The following EFNA5 variants were observed in gnomAD, a reference collection of about 807,000 sequenced individuals.
EFNA5 encodes ephrin A5, also known as ephrin-A5.
EFNA5 carries 5 observed loss-of-function variants against 22.9 expected under a neutral mutation model. That is an observed-to-expected ratio of 0.22 (90% CI 0.11 to 0.46). The LOEUF is 0.46. Among genes scored for constraint, EFNA5 ranks in the 20% least tolerant of loss-of-function variants. The pLI is 0.99. For synonymous variants in EFNA5, 113 were observed against 112.2 expected (o/e 1.01, Z -0.04); for missense variants, 237 against 293.3 (o/e 0.81, Z 1.40).
At chr5:107,592,308 A>G (rs1033896910) in intron 1 of EFNA5, among the ~76,000 whole-genome samples, 5 of 151,450 alleles carry the variant, frequency 3.3e-5, no homozygotes, top group African/African-American at 1.2e-4. Flanking sequence ...ATAAACTTCA[A>G]TTATACCAAT....
chr5:107,406,284 C>CA (rs1472059838), intron 2 of EFNA5, among the ~76,000 whole-genome samples: 4 of 151,390 alleles, frequency 2.6e-5, no homozygotes, highest in African/African-American at 9.7e-5. Flanking sequence ...TTTTAAATGG[C>CA]AAAAAACTGC....
chr5:107,581,409 G>A (rs936947419), intron 1 of EFNA5, among the ~76,000 whole-genome samples: 4 of 152,164 alleles, frequency 2.6e-5, no homozygotes, highest in East Asian at 3.8e-4. Context: ...ACAGAGACAC[G>A]CTGTGCCTTT....
chr5:107,409,044 G>A (rs1286826509), intron 2 of EFNA5, among the ~76,000 whole-genome samples: 1 of 152,180 alleles, frequency 6.6e-6, no homozygotes, highest in African/African-American at 2.4e-5. Flanking sequence ...TGAACACAAA[G>A]ACATTAAAAT....
At chr5:107,395,299 A>G (rs568002853) in intron 2 of EFNA5, among the ~76,000 whole-genome samples, 11 of 152,110 alleles carry the variant, frequency 7.2e-5, no homozygotes, top group Middle Eastern at 3.4e-3. Flanking sequence ...TCAGCCTGCC[A>G]AAGTGCTGAG....
chr5:107,635,301 T>C (rs1392465078), intron 1 of EFNA5, among the ~76,000 whole-genome samples: 1 of 152,266 alleles, frequency 6.6e-6, no homozygotes, highest in Non-Finnish European at 1.5e-5. Context: ...CAACTCCTTA[T>C]AATTTTTAGC....
chr5:107,665,032 C>T (rs1186205704), intron 1 of EFNA5, among the ~76,000 whole-genome samples: 2 of 152,038 alleles, frequency 1.3e-5, no homozygotes, highest in Non-Finnish European at 2.9e-5. Flanking sequence ...GCCACTAGAC[C>T]AAATGCTACC....
intron 1 of EFNA5, among the ~76,000 whole-genome samples, chr5:107,476,008 G>A (rs1750275246): frequency 8.5e-6 from 1 of 117,226 alleles, no homozygotes; most frequent in African/African-American, 4.4e-5. Context: ...TATAAAACAT[G>A]AGATGGAAGA....
chr5:107,634,926 T>C (rs1374585633), intron 1 of EFNA5, among the ~76,000 whole-genome samples: 1 of 152,176 alleles, frequency 6.6e-6, no homozygotes, highest in Non-Finnish European at 1.5e-5. Flanking sequence ...CCTTAAAATA[T>C]ACGAAATTCA....
chr5:107,580,291 G>A (rs1242137648), intron 1 of EFNA5, among the ~76,000 whole-genome samples: 1 of 152,114 alleles, frequency 6.6e-6, no homozygotes, highest in African/African-American at 2.4e-5. Context: ...TTAAAAATTA[G>A]GAACATTTGC....
At chr5:107,463,462 C>A (rs924405350) in intron 1 of EFNA5, among the ~76,000 whole-genome samples, 1 of 152,032 alleles carries the variant, frequency 6.6e-6, no homozygotes, top group Non-Finnish European at 1.5e-5. Context: ...AACTACTACA[C>A]CTGATATTTT....
At chr5:107,630,440 A>T (rs2112535698) in intron 1 of EFNA5, among the ~76,000 whole-genome samples, 1 of 152,356 alleles carries the variant, frequency 6.6e-6, no homozygotes, top group Non-Finnish European at 1.5e-5. Context: ...ACACAATGGT[A>T]AATATTTGCA....
intron 1 of EFNA5, among the ~76,000 whole-genome samples, chr5:107,577,738 G>A (rs1453459853): frequency 6.6e-6 from 1 of 152,110 alleles, no homozygotes; most frequent in African/African-American, 2.4e-5. Context: ...CCTCACCATC[G>A]GATTCCACCC....
chr5:107,559,933 A>G (rs993626038), intron 1 of EFNA5, among the ~76,000 whole-genome samples: 1 of 152,146 alleles, frequency 6.6e-6, no homozygotes, highest in Admixed American at 6.5e-5. Flanking sequence ...GGGCATAGAT[A>G]TTGCTTTCTT....
At chr5:107,648,485 C>T (rs1258288768) in intron 1 of EFNA5, among the ~76,000 whole-genome samples, 1 of 152,254 alleles carries the variant, frequency 6.6e-6, no homozygotes, top group East Asian at 1.9e-4. Flanking sequence ...ACTTGTGGTA[C>T]ATTTTATAGC....
intron 1 of EFNA5, among the ~76,000 whole-genome samples, chr5:107,479,543 C>T (rs932842251): frequency 2.6e-5 from 4 of 151,954 alleles, no homozygotes; most frequent in South Asian, 2.1e-4. Context: ...TGAGGTTACT[C>T]GAGACATGGA....
chr5:107,610,356 C>T (rs936168990), intron 1 of EFNA5, among the ~76,000 whole-genome samples: 3 of 152,262 alleles, frequency 2.0e-5, no homozygotes, highest in African/African-American at 7.2e-5. Flanking sequence ...ACGGCGCACC[C>T]GCCCCGCTTG....
intron 1 of EFNA5, among the ~76,000 whole-genome samples, chr5:107,661,353 T>C (rs73200655): frequency 0.14 from 20,581 of 152,036 alleles, 1,383 homozygotes; most frequent in Admixed American, 0.14. Context: ...AATGGTAAGG[T>C]GAGAAACTTA....
chr5:107,645,877 A>G (rs1750625231), intron 1 of EFNA5, among the ~76,000 whole-genome samples: 1 of 152,232 alleles, frequency 6.6e-6, no homozygotes, highest in African/African-American at 2.4e-5. Context: ...ATTTGACCAC[A>G]TATTCCCTGT....
intron 1 of EFNA5, among the ~76,000 whole-genome samples, chr5:107,622,644 C>T (rs1403723207): frequency 6.6e-6 from 1 of 152,092 alleles, no homozygotes; most frequent in African/African-American, 2.4e-5. Flanking sequence ...GTAACAACAT[C>T]CTGATGTCAA....
Sources: gnomAD v4.1 joint callset for allele counts (sites outside exome capture counted in the v4.1 genomes callset) on GRCh38, gnomAD v4.1.1 for gene constraint, MANE v1.5 for transcripts, NCBI Gene and HGNC (gene_info 2026-07-23, HGNC 2026-07-21) for gene names.